The following FAM163A variants were observed in gnomAD, a reference collection of about 807,000 sequenced individuals.
FAM163A encodes the protein family with sequence similarity 163 member A, also known as protein FAM163A.
In FAM163A, 7 loss-of-function variants were observed where a neutral mutation model predicts 12.0. The observed-to-expected ratio is 0.58, with a 90% confidence interval of 0.33 to 1.10. The LOEUF (loss-of-function observed/expected upper bound fraction) is 1.10. FAM163A is among the 50% of genes least tolerant of loss of function. FAM163A has a pLI of 0.03. For missense variants in FAM163A, 202 were observed against 218.6 expected, an observed-to-expected ratio of 0.92 and a Z score of 0.48; for synonymous variants, 101 against 91.0, an observed-to-expected ratio of 1.11 and a Z score of -0.62.
At chr1:179,806,392 G>A (rs1272824668) in intron 1 of FAM163A, among the ~76,000 whole-genome samples, 2 of 152,224 alleles carry the variant, frequency 1.3e-5, no homozygotes, top group African/African-American at 4.8e-5. Context: ...CAAGGCAGGA[G>A]CTGGGAGAGT....
chr1:179,741,923 G>A (rs1683700375), upstream of FAM163A: 1 of 152,176 alleles, frequency 6.6e-6, no homozygotes, highest in East Asian at 1.9e-4. Flanking sequence ...GATTCATTAG[G>A]CTATGAAGGT....
intron 1 of FAM163A, among the ~76,000 whole-genome samples, chr1:179,805,133 A>AT: frequency 6.6e-6 from 1 of 152,314 alleles, no homozygotes; most frequent in South Asian, 2.1e-4. Flanking sequence ...CTAGAAAAAA[A>AT]ACTTGGCCCA....
In FAM163A at chr1:179,815,107, GCGCACAGACACACA is replaced by G. The variant is rs1366260515; in HGVS notation, c.*920_*933del. On this transcript the variant is annotated 3_prime_UTR_variant, in exon 5 of 5. Transcript: ENST00000341785. ...CCCAGGTGTACGCACGCGCGCGCGC[GCGCACAGACACACA>G]CACACACACACACACACACACACAC... is the stretch of plus-strand genomic sequence containing the variant. 5.2e-4 allele frequency: 34 copies of G among 64,920 alleles called. No individual in the cohort carries two copies. The highest frequency in any genetic ancestry group is 2.3e-3 in the South Asian group (4 of 1,736). The allele number at this position is 64,920 out of a possible 1,614,324, so 4.0% of individuals were successfully genotyped here.
chr1:179,737,856 A>C, the FAM163A span, among the ~76,000 whole-genome samples: 5 of 152,162 alleles, frequency 3.3e-5, no homozygotes, highest in African/African-American at 4.8e-5. Context: ...AAATCCTTAA[A>C]AAGCGAAGAG....
At position 179,814,265 on chromosome 1, in the gene FAM163A, C is replaced by A; in HGVS notation, c.*76C>A. 6.7e-7 allele frequency: 1 copy of A among 1,494,220 alleles called. No homozygotes were observed. The highest frequency in any genetic ancestry group is 2.2e-5 in the Admixed American group (1 of 45,766). The allele number at this position is 1,494,220 out of a possible 1,614,324, so 92.6% of individuals were successfully genotyped here. The stretch of plus-strand genomic sequence containing the variant: ...GCCATGGGGGTGATGAATGACCCTC[C>A]AACAGCCCCACATGGGTTGTTTCTG... On this transcript the variant is annotated 3_prime_UTR_variant, in exon 5 of 5. Coordinates refer to ENST00000341785, the MANE Select transcript of FAM163A (RefSeq NM_173509.3).
At chr1:179,811,079 T>C (rs1694637449) in intron 2 of FAM163A, among the ~76,000 whole-genome samples, 1 of 151,792 alleles carries the variant, frequency 6.6e-6, no homozygotes, top group African/African-American at 2.4e-5. Flanking sequence ...GATGGGGCAG[T>C]GGATCACGTA....
At chr1:179,790,770 C>T (rs1157069145) in intron 1 of FAM163A, among the ~76,000 whole-genome samples, 1 of 128,626 alleles carries the variant, frequency 7.8e-6, no homozygotes, top group East Asian at 2.0e-4. Flanking sequence ...GAAGGCAGCT[C>T]CAGCTCAGAC....
At chr1:179,803,449 C>T (rs1693464254) in intron 1 of FAM163A, among the ~76,000 whole-genome samples, 1 of 152,206 alleles carries the variant, frequency 6.6e-6, no homozygotes, top group African/African-American at 2.4e-5. Context: ...TCAGATACAG[C>T]AGAGACCCCT....
At chr1:179,774,265 T>C (rs1688651620) in intron 1 of FAM163A, among the ~76,000 whole-genome samples, 2 of 152,164 alleles carry the variant, frequency 1.3e-5, no homozygotes, top group African/African-American at 2.4e-5. Context: ...GACAGGCACA[T>C]TGCAGGGCAG....
chr1:179,802,057 T>C (rs1352402340), intron 1 of FAM163A, among the ~76,000 whole-genome samples: 2 of 151,976 alleles, frequency 1.3e-5, no homozygotes, highest in Non-Finnish European at 2.9e-5. Flanking sequence ...TCTTTTCTCT[T>C]TTTGTTTGAC....
At position 179,745,910 on chromosome 1, in the gene FAM163A, C is replaced by A. The variant is rs566597976; in HGVS notation, c.-136+2487C>A. Among the ~76,000 whole-genome samples, 55 of 152,232 alleles carry A rather than the reference C, an allele frequency of 3.6e-4. 1 individual carries two copies. In the South Asian group the frequency reaches 0.011, roughly 31 times the overall value. On this transcript the variant is annotated intron_variant, in intron 1 of 4. Transcript: ENST00000341785. ...AGACACACATGTGGTAGCTGGAAAT[C>A]CAGAATTGTCGTGAATAAAGACTCT...
chr1:179,815,104 CGCGCGCACAG>C lies in FAM163A; in HGVS notation c.*916_*925del, dbSNP rs142871374. 3,069 of 92,294 alleles carry C rather than the reference CGCGCGCACAG, an allele frequency of 0.033. 73 individuals carry two copies. The highest frequency in any genetic ancestry group is 0.057 in the South Asian group (151 of 2,654). 5.7% of individuals were successfully genotyped at this position (92,294 alleles called of 1,614,324 possible). On this transcript the variant is annotated 3_prime_UTR_variant, in exon 5 of 5. Coordinates refer to ENST00000341785, the MANE Select transcript of FAM163A (RefSeq NM_173509.3). ...GTTCCCAGGTGTACGCACGCGCGCG[CGCGCGCACAG>C]ACACACACACACACACACACACACA...
rs189345815 is a variant in FAM163A, at chr1:179,747,205, A to G, written c.-136+3782A>G. On this transcript the variant is annotated intron_variant, in intron 1 of 4. Coordinates refer to ENST00000341785, the MANE Select transcript of FAM163A (RefSeq NM_173509.3). The stretch of plus-strand genomic sequence containing the variant: ...AAGGTTTGACATTATCCTAGAGTCT[A>G]GGGCTGTATTGCCCCAGAGAAAGAA... Among the ~76,000 whole-genome samples the G allele has an allele frequency of 2.0e-5, 3 of 151,490 alleles. No homozygotes were observed. In the East Asian group the frequency reaches 5.8e-4, roughly 29 times the overall value.
intron 1 of FAM163A, among the ~76,000 whole-genome samples, chr1:179,762,142 A>G (rs10913880): frequency 0.041 from 6,187 of 152,294 alleles, 414 homozygotes; most frequent in African/African-American, 0.14. Flanking sequence ...GAATGGACAA[A>G]AGAAAGAATG....
At chr1:179,748,906 C>T (rs1046317157) in intron 1 of FAM163A, among the ~76,000 whole-genome samples, 48 of 152,208 alleles carry the variant, frequency 3.2e-4, no homozygotes, top group African/African-American at 1.1e-3. Context: ...AGACATAATA[C>T]GTGTCATTTT....
At chr1:179,755,904 C>T (rs1270783188) in intron 1 of FAM163A, among the ~76,000 whole-genome samples, 2 of 152,186 alleles carry the variant, frequency 1.3e-5, no homozygotes, top group South Asian at 2.1e-4. Context: ...CCCCACCTCT[C>T]TGCTGAAGTC....
At chr1:179,772,338 G>C (rs1025374237) in intron 1 of FAM163A, among the ~76,000 whole-genome samples, 20 of 152,134 alleles carry the variant, frequency 1.3e-4, no homozygotes, top group Admixed American at 6.5e-5. Context: ...AGGTCTTACT[G>C]TGCTGGCATT....
intron 1 of FAM163A, among the ~76,000 whole-genome samples, chr1:179,772,599 G>C (rs1398901185): frequency 6.6e-6 from 1 of 152,212 alleles, no homozygotes; most frequent in Non-Finnish European, 1.5e-5. Flanking sequence ...CTGCCCTGAA[G>C]CATTGCTCTG....
chr1:179,798,745 A>G (rs183678155), intron 1 of FAM163A, among the ~76,000 whole-genome samples: 33 of 152,322 alleles, frequency 2.2e-4, no homozygotes, highest in Non-Finnish European at 4.7e-4. Flanking sequence ...GAGCAGCTCA[A>G]AAATGTTCCC....
Sources: gnomAD v4.1 joint callset for allele counts (sites outside exome capture counted in the v4.1 genomes callset) on GRCh38, gnomAD v4.1.1 for gene constraint, MANE v1.5 for transcripts, NCBI Gene and HGNC (gene_info 2026-07-23, HGNC 2026-07-21) for gene names.